EPM2A: variants seen among roughly 807,000 people sequenced by gnomAD.
EPM2A encodes laforin.
EPM2A carries 21 observed loss-of-function variants against 26.5 expected under a neutral mutation model. The ratio of observed to expected loss-of-function variants is 0.79; its 90% confidence interval spans 0.56 to 1.14. The LOEUF (loss-of-function observed/expected upper bound fraction) is 1.14, where lower values mean the gene tolerates loss of function less well. EPM2A is among the 50% of genes most tolerant of loss of function. EPM2A has a pLI of 0.00. For missense variants in EPM2A, 458 were observed against 440.8 expected (o/e 1.04, Z -0.35); for synonymous variants, 217 against 177.6 (o/e 1.22, Z -1.76).
At chr6:145,559,211 G>C (rs898125367) in intron 2 of EPM2A, among the ~76,000 whole-genome samples, 16 of 152,212 alleles carry the variant, frequency 1.1e-4, no homozygotes, top group South Asian at 2.1e-4. Flanking sequence ...TCTATCTGGA[G>C]GGTGGTTATG....
intron 1 of EPM2A, among the ~76,000 whole-genome samples, chr6:145,710,848 A>T (rs1483544312): frequency 6.6e-6 from 1 of 151,780 alleles, no homozygotes; most frequent in African/African-American, 2.4e-5. Flanking sequence ...GGAAATCATC[A>T]TTCTGAGCAA....
chr6:145,485,946 C>A (rs1222173574), intron 4 of EPM2A, among the ~76,000 whole-genome samples: 1 of 152,190 alleles, frequency 6.6e-6, no homozygotes, highest in Non-Finnish European at 1.5e-5. Context: ...ATGGGGGAAA[C>A]TGCCCTCATG....
chr6:145,633,445 T>C (rs1776416038), intron 3 of EPM2A, among the ~76,000 whole-genome samples: 1 of 152,196 alleles, frequency 6.6e-6, no homozygotes, highest in African/African-American at 2.4e-5. Context: ...AGGGCAGAGC[T>C]CTTACAGCTA....
chr6:145,473,922 C>A (rs1458085823), intron 4 of EPM2A, among the ~76,000 whole-genome samples: 1 of 152,012 alleles, frequency 6.6e-6, no homozygotes, highest in Non-Finnish European at 1.5e-5. Flanking sequence ...AAAGGGAGTA[C>A]TTCAATTAGA....
chr6:145,480,117 T>C (rs184843450), intron 4 of EPM2A, among the ~76,000 whole-genome samples: 164 of 152,080 alleles, frequency 1.1e-3, no homozygotes, highest in African/African-American at 3.6e-3. Flanking sequence ...TCTGTCTCTT[T>C]GTTTTTCAGT....
downstream of EPM2A, among the ~76,000 whole-genome samples, chr6:145,621,996 C>T (rs907367196): frequency 5.9e-5 from 9 of 152,132 alleles, no homozygotes; most frequent in Non-Finnish European, 1.5e-5. Flanking sequence ...TTCAGTTTCA[C>T]ATCTAAAAAA....
intron 1 of EPM2A, among the ~76,000 whole-genome samples, chr6:145,709,671 T>G (rs1461797183): frequency 6.6e-6 from 1 of 152,208 alleles, no homozygotes; most frequent in African/African-American, 2.4e-5. Context: ...AATACACATG[T>G]GACATTATCC....
chr6:145,401,086 C>T (rs967279976), intron 4 of EPM2A, among the ~76,000 whole-genome samples: 1 of 151,870 alleles, frequency 6.6e-6, no homozygotes, highest in African/African-American at 2.4e-5. Context: ...AATACATCAG[C>T]AAATTAATAG....
intron 1 of EPM2A, among the ~76,000 whole-genome samples, chr6:145,720,705 G>A (rs1236340630): frequency 2.6e-5 from 4 of 152,180 alleles, no homozygotes; most frequent in Non-Finnish European, 5.9e-5. Context: ...CAAAAGGCAT[G>A]AATGTAAATG....
At position 145,492,312 on chromosome 6, in the gene EPM2A, G is replaced by A. The variant is rs182548655; in HGVS notation, c.555+10210C>T. On this transcript the variant is annotated intron_variant, in intron 4 of 4. Transcript: ENST00000638717. ...TGCAGGAGCTGGGGTGAGTGCTTTT[G>A]GGTGCCGGCAGGAGCAAAATTCTGT... is the stretch of plus-strand genomic sequence containing the variant. Among the ~76,000 whole-genome samples, 460 of 152,258 alleles carry A rather than the reference G, an allele frequency of 3.0e-3. 5 individuals carry two copies. Among genetic ancestry groups the A allele is most frequent in the Middle Eastern group, 0.01 (3 of 294 alleles).
chr6:145,394,257 C>A (rs573687431), intron 4 of EPM2A, among the ~76,000 whole-genome samples: 5 of 152,200 alleles, frequency 3.3e-5, no homozygotes, highest in East Asian at 1.9e-4. Context: ...AGGGAGGGAC[C>A]ATTCCAGAGG....
intron 2 of EPM2A, among the ~76,000 whole-genome samples, chr6:145,650,487 G>T (rs1777809234): frequency 6.6e-6 from 1 of 151,946 alleles, no homozygotes; most frequent in Non-Finnish European, 1.5e-5. Flanking sequence ...AGGAGGTAGA[G>T]GTTGCAGTGA....
chr6:145,647,142 T>G (rs1582960295), intron 2 of EPM2A, among the ~76,000 whole-genome samples: 1 of 152,162 alleles, frequency 6.6e-6, no homozygotes, highest in African/African-American at 2.4e-5. Context: ...TGAAACCCAC[T>G]CCGTATCCTG....
intron 4 of EPM2A, among the ~76,000 whole-genome samples, chr6:145,477,293 C>T (rs995367626): frequency 6.6e-6 from 1 of 151,800 alleles, no homozygotes; most frequent in Admixed American, 6.6e-5. Context: ...AATAAAAAGT[C>T]TTCCAGTAAA....
chr6:145,391,057 C>T (rs1778330867), intron 4 of EPM2A, among the ~76,000 whole-genome samples: 1 of 152,096 alleles, frequency 6.6e-6, no homozygotes, highest in African/African-American at 2.4e-5. Context: ...AAGTAAAATC[C>T]TAAGTCCCCC....
intron 4 of EPM2A, among the ~76,000 whole-genome samples, chr6:145,413,529 G>C (rs755994742): frequency 1.3e-5 from 2 of 152,044 alleles, no homozygotes; most frequent in Admixed American, 1.3e-4. Flanking sequence ...TTTCCAGCCC[G>C]TGGTTGAATC....
At chr6:145,469,767 C>T (rs777307477) in intron 4 of EPM2A, among the ~76,000 whole-genome samples, 3 of 152,088 alleles carry the variant, frequency 2.0e-5, no homozygotes, top group Non-Finnish European at 4.4e-5. Flanking sequence ...TTTGAAGCAA[C>T]CTAAGTGTCC....
chr6:145,522,882 CTACTT>C (rs1446232308), intron 2 of EPM2A, among the ~76,000 whole-genome samples: 1 of 152,060 alleles, frequency 6.6e-6, no homozygotes, highest in Non-Finnish European at 1.5e-5. Flanking sequence ...GGTAGAGTCT[CTACTT>C]TTCTTTCTTC....
intron 1 of EPM2A, among the ~76,000 whole-genome samples, chr6:145,715,616 T>G (rs1775572665): frequency 6.6e-6 from 1 of 152,162 alleles, no homozygotes; most frequent in Non-Finnish European, 1.5e-5. Flanking sequence ...AAGCTTCATC[T>G]GTATTTACAG....
Sources: allele counts gnomAD v4.1 joint callset (sites outside exome capture counted in the v4.1 genomes callset), GRCh38; gene constraint gnomAD v4.1.1; transcripts MANE v1.5; gene names NCBI Gene and HGNC (gene_info 2026-07-23, HGNC 2026-07-21).